The following TACR3 variants were observed in gnomAD, a reference collection of about 807,000 sequenced individuals.
The protein encoded by TACR3 is neuromedin-K receptor.
In TACR3, 34 loss-of-function variants were observed where a neutral mutation model predicts 35.0. The observed-to-expected ratio is 0.97, with a 90% CI of 0.74 to 1.30. The LOEUF (loss-of-function observed/expected upper bound fraction) is 1.30. TACR3 is among the 50% of genes most tolerant of loss of function. TACR3 has a pLI of 0.00. For missense variants in TACR3, 558 were observed against 591.7 expected, an observed-to-expected ratio of 0.94 and a Z score of 0.59; for synonymous variants, 233 against 221.1, an observed-to-expected ratio of 1.05 and a Z score of -0.48.
intron 3 of TACR3, among the ~76,000 whole-genome samples, chr4:103,637,954 GGAA>G (rs1291568999): frequency 3.9e-5 from 6 of 152,004 alleles, no homozygotes; most frequent in Non-Finnish European, 7.4e-5. Flanking sequence ...ACAAACAAAT[GGAA>G]GAATATTCCA....
intron 1 of TACR3, among the ~76,000 whole-genome samples, chr4:103,697,402 G>GTTTGTTTATTTATTTA (rs139321846): frequency 1.4e-5 from 2 of 144,874 alleles, no homozygotes; most frequent in African/African-American, 5.2e-5. Context: ...TTATTTATTT[G>GTTTGTTTATTTATTTA]TTTATTTATT....
chr4:103,596,887 T>G (rs928984139), intron 3 of TACR3, among the ~76,000 whole-genome samples: 1 of 151,964 alleles, frequency 6.6e-6, no homozygotes, highest in Non-Finnish European at 1.5e-5. Flanking sequence ...TTGCTGAGAA[T>G]GATGGTTTCC....
chr4:103,644,055 T>C (rs1307041096), intron 3 of TACR3, among the ~76,000 whole-genome samples: 5 of 151,820 alleles, frequency 3.3e-5, no homozygotes, highest in Non-Finnish European at 7.4e-5. Context: ...AAAACTTTTC[T>C]AGGCCTTTCA....
intron 3 of TACR3, among the ~76,000 whole-genome samples, chr4:103,601,346 C>T (rs1391477237): frequency 6.6e-6 from 1 of 152,074 alleles, no homozygotes; most frequent in Non-Finnish European, 1.5e-5. Flanking sequence ...TCCAATTTGC[C>T]AGTCTGAGTC....
At chr4:103,605,803 T>G (rs1192070532) in intron 3 of TACR3, among the ~76,000 whole-genome samples, 1 of 152,088 alleles carries the variant, frequency 6.6e-6, no homozygotes, top group East Asian at 1.9e-4. Context: ...TAGTTTCTTT[T>G]GCTGTGCAGA....
At chr4:103,652,496 T>C (rs1725644082) in intron 3 of TACR3, among the ~76,000 whole-genome samples, 1 of 152,154 alleles carries the variant, frequency 6.6e-6, no homozygotes, top group Non-Finnish European at 1.5e-5. Context: ...TACTACACTC[T>C]TCAGTGTCTC....
At chr4:103,595,422 C>T (rs887863984) in intron 3 of TACR3, among the ~76,000 whole-genome samples, 18 of 152,050 alleles carry the variant, frequency 1.2e-4, no homozygotes. Context: ...GTTACATTGC[C>T]TATTTTTAGC....
rs115513112 is a variant in TACR3 at position 103,697,762 on chromosome 4, T to A, written c.548+21366A>T. 3.9e-3 allele frequency among the ~76,000 whole-genome samples: 589 copies of A among 152,306 alleles called. 2 individuals carry two copies. Among genetic ancestry groups the A allele is most frequent in the Admixed American group, 5.9e-3 (91 of 15,298 alleles). On this transcript the variant is annotated intron_variant, in intron 1 of 4. Coordinates refer to ENST00000304883, the MANE Select transcript of TACR3 (RefSeq NM_001059.3). ...TTTAACTAAACATTGGTAACTCAAA[T>A]TTGTGTGCAGTGAGAAGTACATGTT... is the stretch of plus-strand genomic sequence containing the variant.
chr4:103,610,015 C>G (rs539721081), intron 3 of TACR3, among the ~76,000 whole-genome samples: 14 of 152,104 alleles, frequency 9.2e-5, no homozygotes, highest in South Asian at 8.3e-4. Flanking sequence ...AACCATGCAT[C>G]TCTTGGTGGA....
intron 3 of TACR3, among the ~76,000 whole-genome samples, chr4:103,608,314 C>A (rs1211420773): frequency 2.0e-5 from 3 of 151,942 alleles, no homozygotes; most frequent in Non-Finnish European, 4.4e-5. Context: ...AAATAGAAAA[C>A]GAGATACCAC....
At chr4:103,627,872 T>G (rs1232778094) in intron 3 of TACR3, among the ~76,000 whole-genome samples, 1 of 152,090 alleles carries the variant, frequency 6.6e-6, no homozygotes, top group Non-Finnish European at 1.5e-5. Context: ...ACACTTATTC[T>G]AAAACTGACC....
At chr4:103,683,836 GAGA>G in intron 1 of TACR3, among the ~76,000 whole-genome samples, 1 of 121,476 alleles carries the variant, frequency 8.2e-6, no homozygotes, top group South Asian at 2.4e-4. Flanking sequence ...GGAGAAGAGA[GAGA>G]AGGAGAGAGA....
At chr4:103,709,259 AG>A (rs1722879938) in intron 1 of TACR3, among the ~76,000 whole-genome samples, 1 of 152,212 alleles carries the variant, frequency 6.6e-6, no homozygotes, top group Non-Finnish European at 1.5e-5. Context: ...CCAGAGAGAA[AG>A]GTCGGGTTAC....
At chr4:103,649,936 A>G (rs1725551403) in intron 3 of TACR3, among the ~76,000 whole-genome samples, 1 of 151,956 alleles carries the variant, frequency 6.6e-6, no homozygotes, top group Non-Finnish European at 1.5e-5. Flanking sequence ...AGAGTTTGTT[A>G]TTTATTGTAG....
chr4:103,608,129 T>C (rs1405003366), intron 3 of TACR3, among the ~76,000 whole-genome samples: 1 of 152,120 alleles, frequency 6.6e-6, no homozygotes, highest in African/African-American at 2.4e-5. Flanking sequence ...TACCACGCTA[T>C]TCACAATAGC....
chr4:103,719,071 C>T (rs1187107510), intron 1 of TACR3, 57 bp downstream of exon 1: 2 of 1,604,712 alleles, frequency 1.2e-6, no homozygotes, highest in Admixed American at 1.7e-5. Context: ...CTTATCCCAC[C>T]GCCCAGTTCT....
chr4:103,634,252 T>A (rs537310539), intron 3 of TACR3, among the ~76,000 whole-genome samples: 30 of 152,232 alleles, frequency 2.0e-4, no homozygotes, highest in Non-Finnish European at 4.1e-4. Flanking sequence ...TGCTTAAAAA[T>A]CTTTCTTTTA....
chr4:103,650,638 T>A (rs1254482439), intron 3 of TACR3, among the ~76,000 whole-genome samples: 4 of 69,396 alleles, frequency 5.8e-5, no homozygotes, highest in South Asian at 3.2e-4. Flanking sequence ...ATATATAATA[T>A]ATATTTAATA....
intron 1 of TACR3, among the ~76,000 whole-genome samples, chr4:103,671,230 C>T (rs1046655781): frequency 1.3e-5 from 2 of 151,842 alleles, no homozygotes; most frequent in Non-Finnish European, 2.9e-5. Flanking sequence ...CAATATTGGT[C>T]TGCAGTTTTT....
Sources: allele counts gnomAD v4.1 joint callset (sites outside exome capture counted in the v4.1 genomes callset), GRCh38; gene constraint gnomAD v4.1.1; transcripts MANE v1.5; gene names NCBI Gene and HGNC (gene_info 2026-07-23, HGNC 2026-07-21).